CHSY1: variants seen among roughly 807,000 people sequenced by gnomAD.
CHSY1 encodes N-acetylgalactosaminyl-proteoglycan 3-beta-glucuronosyltransferase 1.
CHSY1 carries 13 observed loss-of-function variants against 59.8 expected under a neutral mutation model. The observed-to-expected ratio is 0.22, with a 90% CI of 0.14 to 0.35. CHSY1 has a LOEUF of 0.35. CHSY1 is among the 10% of genes least tolerant of loss of function. CHSY1 has a pLI of 1.00. For missense variants in CHSY1, 947 were observed against 1,030.6 expected (o/e 0.92, Z 1.11); for synonymous variants, 459 against 401.2 (o/e 1.14, Z -1.72).
chr15:101,206,814 C>T (rs2038631377), intron 2 of CHSY1, among the ~76,000 whole-genome samples: 1 of 152,112 alleles, frequency 6.6e-6, no homozygotes, highest in Non-Finnish European at 1.5e-5. Context: ...AAATAGTCCT[C>T]CAAAAAATAC....
chr15:101,188,047 C>T (rs2038392756), intron 2 of CHSY1: 18 of 985,364 alleles, frequency 1.8e-5, no homozygotes, highest in Non-Finnish European at 2.0e-5. Flanking sequence ...GGAGAGCCAA[C>T]ATTCTCATTA....
Position 101,178,295 on chromosome 15 carries a change from G to A in CHSY1, c.1502C>T (p.Ser501Phe). The stretch of plus-strand genomic sequence containing the variant: ...GTTTGAGAGAAAGGACAAGGATCCA[G>A]ATTCCTGATTGATTCTCTTGGCCAA... ...QELAKRINQESGSLSFLSNSL... is the reference protein window; with the variant it reads ...QELAKRINQEFGSLSFLSNSL... Residue 501 changes from serine (S) to phenylalanine (F), a missense_variant, in exon 3 of 3, where the codon TCT (serine) becomes TTT (phenylalanine). Coordinates refer to ENST00000254190, the MANE Select transcript of CHSY1 (RefSeq NM_014918.5). 6.2e-7 allele frequency: 1 copy of A among 1,610,098 alleles called. No individual in the cohort carries two copies. The highest frequency in any genetic ancestry group is 8.5e-7 in the Non-Finnish European group (1 of 1,176,668).
chr15:101,245,471 G>A (rs552747783), intron 1 of CHSY1, among the ~76,000 whole-genome samples: 1 of 152,278 alleles, frequency 6.6e-6, no homozygotes, highest in South Asian at 2.1e-4. Flanking sequence ...CACGCACCCT[G>A]ACAGCCCTCA....
intron 2 of CHSY1, among the ~76,000 whole-genome samples, chr15:101,184,215 TCA>T (rs1055187963): frequency 2.8e-4 from 42 of 152,316 alleles, no homozygotes; most frequent in African/African-American, 1.0e-3. Context: ...GTTGTTACTT[TCA>T]CAGAGTGTGT....
Position 101,178,406 on chromosome 15 carries a change from G to A in CHSY1, c.1391C>T (p.Thr464Met), listed in dbSNP as rs945507963. 4 of 1,612,668 alleles carry A rather than the reference G, an allele frequency of 2.5e-6. No individual in the cohort carries two copies. The highest frequency in any genetic ancestry group is 1.3e-5 in the African/African-American group (1 of 74,888). The change falls in exon 3 of 3, where the codon ACG (threonine) becomes ATG (methionine). Residue 464 changes from threonine (T) to methionine (M), a missense_variant. By Grantham distance (81) the Thr-to-Met change is moderately conservative. Transcript: ENST00000254190. Reference protein sequence around the residue: ...LYKKHKGKKMTVPVRRHAYLQ... With the variant: ...LYKKHKGKKMMVPVRRHAYLQ... ...ATACGCGTGCCTCCTCACAGGGACC[G>A]TCATTTTCTTCCCTTTGTGCTTTTT...
At chr15:101,218,990 A>C (rs749243073) in intron 2 of CHSY1, among the ~76,000 whole-genome samples, 15 of 152,214 alleles carry the variant, frequency 9.9e-5, no homozygotes, top group Non-Finnish European at 2.1e-4. Context: ...TGATCATTAG[A>C]GTTCAAACTG....
chr15:101,213,089 C>T (rs1425745257), intron 2 of CHSY1, among the ~76,000 whole-genome samples: 2 of 151,796 alleles, frequency 1.3e-5, no homozygotes, highest in Non-Finnish European at 2.9e-5. Flanking sequence ...TTAATTCTTC[C>T]GAAAAGAGGA....
intron 2 of CHSY1, among the ~76,000 whole-genome samples, chr15:101,215,695 G>A (rs764239224): frequency 6.6e-5 from 10 of 152,188 alleles, no homozygotes; most frequent in Non-Finnish European, 8.8e-5. Context: ...AGACTGCACC[G>A]CTGCACTCCA....
intron 2 of CHSY1, among the ~76,000 whole-genome samples, chr15:101,213,099 A>G (rs2038697887): frequency 6.6e-6 from 1 of 152,226 alleles, no homozygotes; most frequent in South Asian, 2.1e-4. Flanking sequence ...CGAAAAGAGG[A>G]AGAAATCCAG....
chr15:101,234,121 A>G (rs956215997), intron 2 of CHSY1, among the ~76,000 whole-genome samples: 4 of 152,236 alleles, frequency 2.6e-5, no homozygotes, highest in Non-Finnish European at 5.9e-5. Flanking sequence ...CATCTTCTCT[A>G]CAACTGCTAC....
chr15:101,236,665 C>A (rs2038946579), intron 1 of CHSY1, among the ~76,000 whole-genome samples: 1 of 151,350 alleles, frequency 6.6e-6, no homozygotes. Flanking sequence ...ACTAAAAATA[C>A]AAAAACAAAA....
chr15:101,212,045 G>A (rs553109977), intron 2 of CHSY1, among the ~76,000 whole-genome samples: 75 of 152,110 alleles, frequency 4.9e-4, no homozygotes, highest in African/African-American at 1.6e-3. Context: ...TGATCAATAA[G>A]CACATGGAAA....
At chr15:101,207,627 TTTG>T (rs1433225413) in intron 2 of CHSY1, among the ~76,000 whole-genome samples, 2 of 152,160 alleles carry the variant, frequency 1.3e-5, no homozygotes, top group East Asian at 3.8e-4. Context: ...AAGTTGAATA[TTTG>T]GCACAAATAA....
At chr15:101,220,001 G>A (rs2038772862) in intron 2 of CHSY1, among the ~76,000 whole-genome samples, 2 of 152,170 alleles carry the variant, frequency 1.3e-5, no homozygotes, top group South Asian at 4.1e-4. Context: ...GGATCCGCCT[G>A]CCTCGGCCTC....
At chr15:101,204,136 G>GA (rs1418237511) in intron 2 of CHSY1, among the ~76,000 whole-genome samples, 11 of 152,118 alleles carry the variant, frequency 7.2e-5, no homozygotes, top group Non-Finnish European at 5.9e-5. Context: ...AAATGGTTCA[G>GA]AAAAAACTAA....
At chr15:101,218,677 ATTGT>A (rs1290473432) in intron 2 of CHSY1, among the ~76,000 whole-genome samples, 2 of 152,196 alleles carry the variant, frequency 1.3e-5, no homozygotes, top group African/African-American at 2.4e-5. Flanking sequence ...GAGGTGGGAG[ATTGT>A]TTGAGCCCAA....
intron 2 of CHSY1, among the ~76,000 whole-genome samples, chr15:101,191,677 G>A (rs772032021): frequency 3.3e-5 from 5 of 152,084 alleles, no homozygotes; most frequent in African/African-American, 1.2e-4. Context: ...AGGGGCAGGC[G>A]CCACTTGGGA....
In CHSY1 at chr15:101,251,690, G is replaced by A. The variant is rs972166727; in HGVS notation, c.-234C>T. Reference sequence around the variant, plus strand: ...CGCCGCGGCCTGCGCCTTTAAGAGGGGACCATGCCCGGCGCGCGCTAGCGG... The same window carrying A: ...CGCCGCGGCCTGCGCCTTTAAGAGGAGACCATGCCCGGCGCGCGCTAGCGG... On this transcript the variant is annotated 5_prime_UTR_variant, in exon 1 of 3. Transcript: ENST00000254190. The A allele has an allele frequency of 3.3e-4, 49 of 147,762 alleles. No individual in the cohort carries two copies. The East Asian group carries it at 3.4e-3, about 10-fold the overall frequency. The allele number at this position is 147,762 out of a possible 1,614,324, so 9.2% of individuals were successfully genotyped here. A position where few individuals can be genotyped will look rare whatever the true frequency, so the allele number is the denominator to read the frequency against.
chr15:101,233,531 G>T (rs1490445845), intron 2 of CHSY1, among the ~76,000 whole-genome samples: 1 of 152,152 alleles, frequency 6.6e-6, no homozygotes, highest in African/African-American at 2.4e-5. Context: ...ATTGCCAGCT[G>T]TATTCTGCTT....
Sources: allele counts gnomAD v4.1 joint callset (sites outside exome capture counted in the v4.1 genomes callset), GRCh38; gene constraint gnomAD v4.1.1; transcripts MANE v1.5; gene names NCBI Gene and HGNC (gene_info 2026-07-23, HGNC 2026-07-21).